The following ERP27 variants were observed in gnomAD, a reference collection of about 807,000 sequenced individuals.
ERP27 encodes endoplasmic reticulum protein 27.
ERP27 carries 23 observed loss-of-function variants against 27.7 expected under a neutral mutation model. The ratio of observed to expected loss-of-function variants is 0.83; its 90% CI spans 0.60 to 1.18. The LOEUF is 1.18. Among genes scored for constraint, ERP27 ranks in the 50% most tolerant of loss-of-function variants. ERP27 has a pLI of 0.00. For synonymous variants in ERP27, 159 were observed against 118.3 expected, an observed-to-expected ratio of 1.34 and a Z score of -2.23; for missense variants, 363 against 327.9, an observed-to-expected ratio of 1.11 and a Z score of -0.83.
At chr12:14,934,016 G>C (rs1341162120) in intron 3 of ERP27, among the ~76,000 whole-genome samples, 1 of 152,176 alleles carries the variant, frequency 6.6e-6, no homozygotes, top group Non-Finnish European at 1.5e-5. Context: ...GGCTTTAGGG[G>C]CTTTCCAGTA....
rs1863373517 is a variant in ERP27 at position 14,914,495 on chromosome 12, G to A, written c.*240C>T. On this transcript the variant is annotated 3_prime_UTR_variant, in exon 7 of 7. Coordinates refer to ENST00000266397, the MANE Select transcript of ERP27 (RefSeq NM_152321.4). ...ATAAGAAGGAAATTGGATAGGGAGT[G>A]AGGATATGAAATTTAAAAGAAGGAA... 3.9e-6 allele frequency: 2 copies of A among 512,328 alleles called. No individual in the cohort carries two copies. Among genetic ancestry groups the A allele is most frequent in the Non-Finnish European group, 6.9e-6 (2 of 290,962 alleles). 31.7% of individuals were successfully genotyped at this position (512,328 alleles called of 1,614,324 possible).
At chr12:14,924,040 G>A (rs923401192) in intron 3 of ERP27, among the ~76,000 whole-genome samples, 12 of 151,726 alleles carry the variant, frequency 7.9e-5, no homozygotes, top group Non-Finnish European at 5.9e-5. Flanking sequence ...TTCCCCCTCC[G>A]CTCCCCAGCT....
intron 3 of ERP27, among the ~76,000 whole-genome samples, chr12:14,927,349 A>G (rs11056242): frequency 0.31 from 45,133 of 147,896 alleles, 6,940 homozygotes; most frequent in Non-Finnish European, 0.36. Context: ...GTGTGTGTGT[A>G]TATATATATA....
intron 3 of ERP27, chr12:14,929,129 G>C: frequency 6.9e-7 from 1 of 1,459,198 alleles, no homozygotes. Flanking sequence ...GCTGTGCATG[G>C]ATCAAGAATC....
chr12:14,915,469 A>G lies in ERP27; in HGVS notation c.774+20T>C, dbSNP rs768875507. On this transcript the variant is annotated intron_variant, in intron 6 of 6. Transcript: ENST00000266397. ...ACATAGAAAGAAAACAATTTGCTTT[A>G]CCTGCAGTCTCACACTTACCAACAA... 4.4e-6 allele frequency: 7 copies of G among 1,607,410 alleles called. No individual in the cohort carries two copies. Among genetic ancestry groups the G allele is most frequent in the Non-Finnish European group, 6.0e-6 (7 of 1,174,738 alleles).
At chr12:14,917,082 T>C in intron 5 of ERP27, 96 bp downstream of exon 5, 1 of 1,451,006 alleles carries the variant, frequency 6.9e-7, no homozygotes, top group East Asian at 2.3e-5. Context: ...TAACCATAGT[T>C]GTTTTCCTTA....
rs367692738 is a variant in ERP27, at chr12:14,938,024, C to T, written c.123G>A (p.Thr41=). ...TGGCAGCTGGGACATCTGTGAGCCACGTGGGTTCCTGGGCAGCACCAGGAC... is the reference window on the plus strand; with the variant it reads ...TGGCAGCTGGGACATCTGTGAGCCATGTGGGTTCCTGGGCAGCACCAGGAC... ...SDGPGAAQEP[T]WLTDVPAAME... Residue 41 remains threonine (T), a synonymous_variant, in exon 2 of 7, where the codon ACG becomes ACA. Transcript: ENST00000266397. The T allele has an allele frequency of 1.5e-4, 244 of 1,614,070 alleles. No homozygotes were observed. Among genetic ancestry groups the T allele is most frequent in the Admixed American group, 4.5e-4 (27 of 60,026 alleles).
At chr12:14,926,543 A>G (rs1863605530) in intron 3 of ERP27, among the ~76,000 whole-genome samples, 1 of 152,044 alleles carries the variant, frequency 6.6e-6, no homozygotes, top group Non-Finnish European at 1.5e-5. Context: ...TGAGTATTTT[A>G]TATTATTTTC....
rs1863804030 is a variant in ERP27, at chr12:14,938,399, T to G, written c.94+16A>C. ...CACTTTCACACTATAGCCACCCAAC[T>G]ACATTTTTCTTTTACCTGAGGATTT... On this transcript the variant is annotated intron_variant, in intron 1 of 6. Transcript: ENST00000266397. 2.5e-6 allele frequency: 4 copies of G among 1,613,410 alleles called. No individual in the cohort carries two copies. The highest frequency in any genetic ancestry group is 3.4e-6 in the Non-Finnish European group (4 of 1,179,438).
chr12:14,936,126 G>T, intron 2 of ERP27, among the ~76,000 whole-genome samples: 1 of 151,850 alleles, frequency 6.6e-6, no homozygotes, highest in Non-Finnish European at 1.5e-5. Flanking sequence ...TTTGGCTTTG[G>T]TTACATTTGT....
At chr12:14,934,659 A>T (rs1863748012) in intron 3 of ERP27, among the ~76,000 whole-genome samples, 197 bp downstream of exon 3, 1 of 152,234 alleles carries the variant, frequency 6.6e-6, no homozygotes, top group Admixed American at 6.5e-5. Context: ...CCTGGCTTTC[A>T]GTCCTGTCCT....
rs1012830048 is a variant in ERP27 at position 14,917,143 on chromosome 12, G to A, written c.576+35C>T. 3.7e-6 allele frequency: 6 copies of A among 1,613,100 alleles called. No homozygotes were observed. The South Asian group carries it at 6.6e-5, about 18-fold the overall frequency. On this transcript the variant is annotated intron_variant, in intron 5 of 6. Coordinates refer to ENST00000266397, the MANE Select transcript of ERP27 (RefSeq NM_152321.4). ...TCCCTTTTCCTAGTGTCCTGGAGGT[G>A]TGTATGCAATAGGATATTCCCATTC...
chr12:14,923,039 A>G (rs1211811188), intron 3 of ERP27, among the ~76,000 whole-genome samples: 1 of 147,264 alleles, frequency 6.8e-6, no homozygotes, highest in Non-Finnish European at 1.5e-5. Flanking sequence ...GTGCCATTGC[A>G]CTCCGGCCTG....
chr12:14,937,261 C>T (rs574378225), intron 2 of ERP27, among the ~76,000 whole-genome samples: 1 of 152,252 alleles, frequency 6.6e-6, no homozygotes, highest in South Asian at 2.1e-4. Context: ...TGGAAACAGA[C>T]AAGAAGGTCT....
intron 6 of ERP27, 60 bp from the exon 7 acceptor site, chr12:14,914,842 G>T: frequency 7.5e-7 from 1 of 1,329,594 alleles, no homozygotes. Flanking sequence ...ACTCCTGGAA[G>T]TCCTAAATCC....
intron 2 of ERP27, among the ~76,000 whole-genome samples, chr12:14,937,647 G>A (rs1385088118): frequency 6.6e-6 from 1 of 152,302 alleles, no homozygotes; most frequent in Non-Finnish European, 1.5e-5. Context: ...TTAGGACAAT[G>A]GTGGGGTTCC....
chr12:14,936,377 A>T (rs886258549), intron 2 of ERP27, among the ~76,000 whole-genome samples: 3 of 152,182 alleles, frequency 2.0e-5, no homozygotes, highest in Non-Finnish European at 4.4e-5. Context: ...CAGAGAAGCC[A>T]CTTGCGAACA....
intron 3 of ERP27, among the ~76,000 whole-genome samples, chr12:14,928,209 CT>C (rs1863636962): frequency 6.6e-6 from 1 of 152,158 alleles, no homozygotes; most frequent in East Asian, 1.9e-4. Context: ...CAGAACCACC[CT>C]TTTTTCCCCA....
Position 14,917,192 on chromosome 12 carries a change from G to A in ERP27, c.562C>T (p.Leu188Phe), listed in dbSNP as rs1169588007. ...NMHRYQKAAK[L>F]FQGKILFILV... ...TCTTGCCTTACCTTCCCCTGGAAGA[G>A]CTTGGCTGCCTTCTGGTATCTGTGC... The change falls in exon 5 of 7, where the codon CTC becomes TTC. Residue 188 changes from leucine (L) to phenylalanine (F), a missense_variant. Physicochemically the swap from Leu to Phe is conservative, Grantham distance 22. Transcript: ENST00000266397. 1 of 1,614,134 alleles carries A rather than the reference G, an allele frequency of 6.2e-7. No individual in the cohort carries two copies. The highest frequency in any genetic ancestry group is 8.5e-7 in the Non-Finnish European group (1 of 1,180,012).
Sources: gnomAD v4.1 joint callset for allele counts (sites outside exome capture counted in the v4.1 genomes callset) on GRCh38, gnomAD v4.1.1 for gene constraint, MANE v1.5 for transcripts, NCBI Gene and HGNC (gene_info 2026-07-23, HGNC 2026-07-21) for gene names.